SLC30A8: variants seen among roughly 807,000 people sequenced by gnomAD.
SLC30A8 encodes the protein proton-coupled zinc antiporter SLC30A8.
Under a neutral mutation model 36.9 loss-of-function variants are expected in SLC30A8, and 27 were observed. That is an observed-to-expected ratio of 0.73 (90% confidence interval 0.54 to 1.01). The LOEUF (loss-of-function observed/expected upper bound fraction) is 1.01, where lower values mean the gene tolerates loss of function less well. Among genes scored for constraint, SLC30A8 ranks in the 50% least tolerant of loss-of-function variants. The pLI is 0.00. For missense variants in SLC30A8, 439 were observed against 452.0 expected, an observed-to-expected ratio of 0.97 and a Z score of 0.26; for synonymous variants, 164 against 172.4, an observed-to-expected ratio of 0.95 and a Z score of 0.38.
chr8:116,971,144 A>G (rs1336082752), intron 1 of SLC30A8, among the ~76,000 whole-genome samples: 4 of 152,112 alleles, frequency 2.6e-5, no homozygotes, highest in Non-Finnish European at 5.9e-5. Context: ...AAGAAAAGAA[A>G]ATAGTTAATG....
chr8:117,096,236 TTGAG>T (rs1819357352), intron 2 of SLC30A8, among the ~76,000 whole-genome samples: 1 of 152,206 alleles, frequency 6.6e-6, no homozygotes, highest in Non-Finnish European at 1.5e-5. Flanking sequence ...GATGAGTACC[TTGAG>T]TGACCTCTGC....
chr8:117,083,020 A>T (rs1378479992), intron 2 of SLC30A8, among the ~76,000 whole-genome samples: 3 of 152,210 alleles, frequency 2.0e-5, no homozygotes, highest in Non-Finnish European at 4.4e-5. Context: ...ACACCACTGG[A>T]TGTAGAAACG....
At chr8:116,968,688 G>C (rs1385763612) in intron 1 of SLC30A8, among the ~76,000 whole-genome samples, 4 of 151,864 alleles carry the variant, frequency 2.6e-5, no homozygotes, top group Non-Finnish European at 5.9e-5. Context: ...ATAGGAAAGA[G>C]GAGTGAATAG....
intron 2 of SLC30A8, among the ~76,000 whole-genome samples, chr8:117,121,714 G>A (rs1341766622): frequency 6.6e-6 from 1 of 151,894 alleles, no homozygotes; most frequent in African/African-American, 2.4e-5. Context: ...AACCTTGAAG[G>A]CATTCTAAGT....
intron 2 of SLC30A8, among the ~76,000 whole-genome samples, chr8:117,040,155 G>T (rs1171527308): frequency 6.6e-6 from 1 of 152,214 alleles, no homozygotes; most frequent in Admixed American, 6.5e-5. Flanking sequence ...TTTCCTGAGA[G>T]CTTGTGACTA....
At chr8:117,066,441 G>A (rs780791995) in intron 2 of SLC30A8, among the ~76,000 whole-genome samples, 1 of 152,158 alleles carries the variant, frequency 6.6e-6, no homozygotes, top group Non-Finnish European at 1.5e-5. Flanking sequence ...CTTGCCTGCT[G>A]TTATAGACAC....
chr8:117,088,582 C>G (rs1818976065), intron 2 of SLC30A8, among the ~76,000 whole-genome samples: 1 of 152,194 alleles, frequency 6.6e-6, no homozygotes, highest in South Asian at 2.1e-4. Context: ...CCAGTTGCAG[C>G]TGCCGAGGGG....
intron 2 of SLC30A8, among the ~76,000 whole-genome samples, chr8:117,047,322 T>C (rs1817583773): frequency 6.6e-6 from 1 of 152,192 alleles, no homozygotes; most frequent in South Asian, 2.1e-4. Flanking sequence ...CTTGAAGAAA[T>C]ATGCTTGAGA....
At chr8:117,123,785 A>G (rs982836713) in intron 2 of SLC30A8, among the ~76,000 whole-genome samples, 1 of 152,022 alleles carries the variant, frequency 6.6e-6, no homozygotes, top group African/African-American at 2.4e-5. Flanking sequence ...GATCTGCTGT[A>G]CAACATAATT....
intron 2 of SLC30A8, among the ~76,000 whole-genome samples, chr8:117,090,063 C>T (rs539923156): frequency 1.3e-5 from 2 of 152,086 alleles, no homozygotes; most frequent in Non-Finnish European, 2.9e-5. Context: ...ACCTCTGCCT[C>T]CCAGGTTCAA....
chr8:117,089,534 C>T lies in SLC30A8; in HGVS notation c.-225-45746C>T, dbSNP rs146585588. 3.1e-3 allele frequency among the ~76,000 whole-genome samples: 472 copies of T among 152,286 alleles called. 5 individuals carry two copies. The highest frequency in any genetic ancestry group is 0.01 in the African/African-American group (436 of 41,538). ...CTCTTATGTTTGTACTTTTTAATAT[C>T]CCTTGGGCATTTTCACTTCTCTCCA... On this transcript the variant is annotated intron_variant, in intron 2 of 10. Coordinates refer to the SLC30A8 transcript ENST00000427715.
At chr8:117,107,653 A>G (rs1336201114) in intron 2 of SLC30A8, among the ~76,000 whole-genome samples, 2 of 152,150 alleles carry the variant, frequency 1.3e-5, no homozygotes, top group African/African-American at 4.8e-5. Context: ...TATCATTCCT[A>G]TGAGAGGTGA....
chr8:117,135,360 T>C lies in SLC30A8; in HGVS notation c.33T>C (p.Asn11=). 6.2e-7 allele frequency: 1 copy of C among 1,601,284 alleles called. No homozygotes were observed. The highest frequency in any genetic ancestry group is 8.5e-7 in the Non-Finnish European group (1 of 1,172,364). The stretch of plus-strand genomic sequence containing the variant: ...TTCTTGAAAGAACGTATCTTGTGAA[T>C]GATAAAGCTGCCAAGATGTATGCTT... The part of the protein sequence containing the change: MEFLERTYLV[N]DKAAKMYAFT... Residue 11 remains asparagine, a synonymous_variant, in exon 1 of 8, where the codon AAT becomes AAC. Coordinates refer to ENST00000456015, the MANE Select transcript of SLC30A8 (RefSeq NM_173851.3).
chr8:117,087,431 C>T (rs542162358), intron 2 of SLC30A8, among the ~76,000 whole-genome samples: 1 of 152,300 alleles, frequency 6.6e-6, no homozygotes, highest in African/African-American at 2.4e-5. Flanking sequence ...TGAGGTGGCT[C>T]ATCATTTTTA....
intron 1 of SLC30A8, among the ~76,000 whole-genome samples, chr8:116,986,509 C>T (rs1009183609): frequency 6.6e-5 from 10 of 152,188 alleles, no homozygotes; most frequent in Admixed American, 2.6e-4. Context: ...AATTAAAATT[C>T]AAATTAAAAG....
intron 1 of SLC30A8, among the ~76,000 whole-genome samples, chr8:116,995,809 T>G (rs1022221709): frequency 1.3e-5 from 2 of 152,056 alleles, no homozygotes; most frequent in Admixed American, 1.3e-4. Context: ...AGTCTGGCTT[T>G]CTTCATGGTT....
intron 4 of SLC30A8, 112 bp downstream of exon 4, chr8:117,157,956 A>G: frequency 1.6e-6 from 2 of 1,219,012 alleles, no homozygotes; most frequent in Non-Finnish European, 2.3e-6. Flanking sequence ...GAGACTGGAC[A>G]GAGTGTTTGA....
intron 1 of SLC30A8, among the ~76,000 whole-genome samples, chr8:117,004,022 T>C (rs959463381): frequency 2.0e-5 from 3 of 152,224 alleles, no homozygotes; most frequent in African/African-American, 7.2e-5. Flanking sequence ...TATAAACCTT[T>C]AGTCAGAAAC....
chr8:117,139,446 G>A (rs1274077007), intron 1 of SLC30A8, among the ~76,000 whole-genome samples: 1 of 152,076 alleles, frequency 6.6e-6, no homozygotes, highest in Non-Finnish European at 1.5e-5. Context: ...ACCCTCACCA[G>A]TGAATTTGCT....
Sources: gnomAD v4.1 joint callset for allele counts (sites outside exome capture counted in the v4.1 genomes callset) on GRCh38, gnomAD v4.1.1 for gene constraint, MANE v1.5 for transcripts, NCBI Gene and HGNC (gene_info 2026-07-23, HGNC 2026-07-21) for gene names.